CDH18: variants seen among roughly 807,000 people sequenced by gnomAD.
CDH18 encodes cadherin 18, also known as cadherin-18.
CDH18 carries 31 observed loss-of-function variants against 67.9 expected under a neutral mutation model. That is an observed-to-expected ratio of 0.46 (90% CI 0.34 to 0.62). The LOEUF (loss-of-function observed/expected upper bound fraction) is 0.62, where lower values mean the gene tolerates loss of function less well. Ranked by LOEUF, CDH18 falls within the 20% of genes least tolerant of loss-of-function variation. CDH18 has a pLI of 0.01. For missense variants in CDH18, 890 were observed against 975.5 expected (o/e 0.91, Z 1.17); for synonymous variants, 362 against 347.2 (o/e 1.04, Z -0.48).
At chr5:20,242,521 A>C (rs565426162) in intron 2 of CDH18, among the ~76,000 whole-genome samples, 65 of 148,830 alleles carry the variant, frequency 4.4e-4, no homozygotes, top group African/African-American at 1.6e-3. Flanking sequence ...TCTCAGATTC[A>C]TCCAAGTTGT....
intron 2 of CDH18, among the ~76,000 whole-genome samples, chr5:20,148,741 G>GT (rs60752996): frequency 0.046 from 7,073 of 152,162 alleles, 547 homozygotes; most frequent in African/African-American, 0.16. Context: ...ACAGTATTAG[G>GT]TAAGTGAATA....
intron 1 of CDH18, among the ~76,000 whole-genome samples, chr5:20,370,940 G>C (rs1226163780): frequency 1.3e-5 from 2 of 151,990 alleles, no homozygotes; most frequent in Non-Finnish European, 2.9e-5. Context: ...AGGAGGCTCA[G>C]GCAGGATAAT....
intron 2 of CDH18, among the ~76,000 whole-genome samples, chr5:20,185,396 T>C (rs573417897): frequency 3.4e-4 from 52 of 152,154 alleles, no homozygotes; most frequent in African/African-American, 9.9e-4. Context: ...ACACAACTTA[T>C]ATTATGCCAC....
intron 2 of CDH18, among the ~76,000 whole-genome samples, chr5:20,117,929 T>C (rs955380661): frequency 3.3e-5 from 5 of 152,092 alleles, no homozygotes; most frequent in Non-Finnish European, 7.4e-5. Flanking sequence ...TTATTGTAAG[T>C]GAAGGAAAAT....
At chr5:20,537,538 TA>T (rs1756798118) in intron 1 of CDH18, among the ~76,000 whole-genome samples, 1 of 152,106 alleles carries the variant, frequency 6.6e-6, no homozygotes, top group South Asian at 2.1e-4. Flanking sequence ...TTAATTTTTT[TA>T]AAAGCCTAGA....
At chr5:19,487,074 G>C (rs1740521575) in intron 11 of CDH18, among the ~76,000 whole-genome samples, 1 of 152,094 alleles carries the variant, frequency 6.6e-6, no homozygotes, top group South Asian at 2.1e-4. Flanking sequence ...AGGAGATTTT[G>C]TATAGCCAGA....
At chr5:19,977,703 T>A (rs1798629369) in intron 2 of CDH18, among the ~76,000 whole-genome samples, 1 of 130,192 alleles carries the variant, frequency 7.7e-6, no homozygotes, top group Admixed American at 7.7e-5. Flanking sequence ...TTTATTTTTT[T>A]ATACCCTTGA....
intron 2 of CDH18, among the ~76,000 whole-genome samples, chr5:20,063,435 C>T (rs1244334888): frequency 6.6e-6 from 1 of 151,964 alleles, no homozygotes; most frequent in Non-Finnish European, 1.5e-5. Flanking sequence ...TATTTATGTG[C>T]ATCCCCATTT....
intron 8 of CDH18, among the ~76,000 whole-genome samples, chr5:19,569,573 A>G (rs1486855): frequency 0.71 from 107,366 of 151,692 alleles, 38,449 homozygotes; most frequent in South Asian, 0.79. Flanking sequence ...ATGTGTGTCT[A>G]TGTGTGTGTG....
chr5:19,513,681 A>T (rs1166375530), intron 10 of CDH18, among the ~76,000 whole-genome samples: 2 of 152,044 alleles, frequency 1.3e-5, no homozygotes, highest in African/African-American at 4.8e-5. Flanking sequence ...TCTTTATTAT[A>T]TGCATTTAAA....
chr5:19,678,592 C>T (rs1230768761), intron 5 of CDH18, among the ~76,000 whole-genome samples: 1 of 151,450 alleles, frequency 6.6e-6, no homozygotes, highest in Non-Finnish European at 1.5e-5. Context: ...AAGATCAAAC[C>T]AATCACAGAG....
chr5:19,891,238 GTGCT>G (rs1356356585), intron 2 of CDH18, among the ~76,000 whole-genome samples: 1 of 151,984 alleles, frequency 6.6e-6, no homozygotes. Flanking sequence ...AAAATAAAAT[GTGCT>G]GATTTTATAG....
At chr5:20,150,694 G>A (rs1751027256) in intron 2 of CDH18, among the ~76,000 whole-genome samples, 1 of 151,906 alleles carries the variant, frequency 6.6e-6, no homozygotes, top group African/African-American at 2.4e-5. Context: ...TGTGAAGACT[G>A]AATAGCTGCC....
intron 1 of CDH18, among the ~76,000 whole-genome samples, chr5:20,257,097 C>A (rs932527393): frequency 1.3e-5 from 2 of 151,952 alleles, no homozygotes; most frequent in African/African-American, 4.8e-5. Context: ...TACTAGAACA[C>A]CTCCATGGAC....
chr5:19,966,555 G>A (rs1797458207), intron 2 of CDH18, among the ~76,000 whole-genome samples: 2 of 151,676 alleles, frequency 1.3e-5, no homozygotes, highest in African/African-American at 4.8e-5. Flanking sequence ...TCAGTCACAT[G>A]GTATAAAGAA....
chr5:20,383,197 A>G (rs751061824), intron 1 of CDH18, among the ~76,000 whole-genome samples: 10 of 152,170 alleles, frequency 6.6e-5, no homozygotes, highest in Non-Finnish European at 1.5e-4. Context: ...TTGCGTTATG[A>G]TAGAAAATAT....
chr5:20,467,757 T>A (rs1328429057), intron 1 of CDH18, among the ~76,000 whole-genome samples: 1 of 152,136 alleles, frequency 6.6e-6, no homozygotes, highest in Non-Finnish European at 1.5e-5. Flanking sequence ...AGAATAATTT[T>A]CTAATTTCTG....
chr5:20,314,770 G>C (rs538090620), intron 1 of CDH18, among the ~76,000 whole-genome samples: 39 of 152,030 alleles, frequency 2.6e-4, no homozygotes, highest in Non-Finnish European at 5.2e-4. Flanking sequence ...TACCCTCTCT[G>C]AATGTATCAA....
intron 2 of CDH18, among the ~76,000 whole-genome samples, chr5:20,197,424 T>A (rs1490814140): frequency 2.6e-5 from 4 of 152,208 alleles, no homozygotes; most frequent in African/African-American, 9.6e-5. Context: ...TCTTTCTAAA[T>A]ATAAAAATTA....
Sources: gnomAD v4.1 joint callset for allele counts (sites outside exome capture counted in the v4.1 genomes callset) on GRCh38, gnomAD v4.1.1 for gene constraint, MANE v1.5 for transcripts, NCBI Gene and HGNC (gene_info 2026-07-23, HGNC 2026-07-21) for gene names.